SPTAN1: variants seen among roughly 807,000 people sequenced by gnomAD.
SPTAN1 encodes the protein spectrin alpha chain, non-erythrocytic 1.
A neutral mutation model predicts 331.3 loss-of-function variants in SPTAN1; 61 were observed. That is an observed-to-expected ratio of 0.18 (90% CI 0.15 to 0.23). SPTAN1 has a LOEUF of 0.23. Ranked by LOEUF, SPTAN1 falls within the 10% of genes least tolerant of loss-of-function variation. The pLI, the probability that SPTAN1 is intolerant of heterozygous loss-of-function variation, is 1.00. For synonymous variants in SPTAN1, 1,153 were observed against 1,173.9 expected (o/e 0.98, Z 0.36); for missense variants, 2,043 against 3,147.9 (o/e 0.65, Z 8.40).
At chr9:128,583,690 A>T in intron 15 of SPTAN1, 98 bp from the exon 16 acceptor site, 1 of 1,285,614 alleles carries the variant, frequency 7.8e-7, no homozygotes, top group Non-Finnish European at 1.1e-6. Context: ...TAAAATTCTG[A>T]CCTGTATAGT....
rs754860866 is a variant in SPTAN1 at position 128,632,476 on chromosome 9, G to C, written c.7005G>C (p.Met2335Ile). Residue 2335 changes from methionine (M) to isoleucine (I), a missense_variant, in exon 54 of 57, where the codon ATG becomes ATC. Coordinates refer to ENST00000372739, the MANE Select transcript of SPTAN1 (RefSeq NM_001130438.3). ...VTEEALKEFS[M>I]MFKHFDKDKS... ...AGGAGGCCCTCAAAGAATTCAGCAT[G>C]ATGTTTAAGTGAGTTCAGCCTTACT... 1.5e-5 allele frequency: 25 copies of C among 1,614,078 alleles called. No individual in the cohort carries two copies. The highest frequency in any genetic ancestry group is 2.1e-5 in the Non-Finnish European group (25 of 1,180,042).
At chr9:128,564,580 CAAAT>C (rs10669172) in intron 1 of SPTAN1, among the ~76,000 whole-genome samples, 1 of 150,914 alleles carries the variant, frequency 6.6e-6, no homozygotes, top group African/African-American at 2.4e-5. Context: ...GTCTCAAAAA[CAAAT>C]AAATAAATAA....
intron 11 of SPTAN1, 141 bp from the exon 12 acceptor site, chr9:128,581,641 C>T: frequency 1.3e-6 from 1 of 751,880 alleles, no homozygotes; most frequent in Admixed American, 1.9e-5. Context: ...TTTAGACTTC[C>T]TAGAAGAGAT....
At chr9:128,565,830 G>C (rs1048711424) in intron 1 of SPTAN1, among the ~76,000 whole-genome samples, 9 of 152,166 alleles carry the variant, frequency 5.9e-5, no homozygotes, top group African/African-American at 2.2e-4. Flanking sequence ...TATCTGTTCT[G>C]CTTCCTTAGT....
rs1858874821 is a variant in SPTAN1 at position 128,627,106 on chromosome 9, C to T, written c.6577-280C>T. ...GGGATTACAGGTGTGAGCCACTGTA[C>T]CCAGCCAGAAGTTTCCATTTCTGAC... is the stretch of plus-strand genomic sequence containing the variant. On this transcript the variant is annotated intron_variant, in intron 49 of 56. Coordinates refer to ENST00000372739, the MANE Select transcript of SPTAN1 (RefSeq NM_001130438.3). The surrounding 1 kb of genome is among the most constrained non-coding windows in gnomAD (Gnocchi z 4.9). The T allele has an allele frequency of 1.7e-6, 1 of 582,592 alleles. No homozygotes were observed. Among genetic ancestry groups the T allele is most frequent in the Non-Finnish European group, 3.2e-6 (1 of 310,250 alleles). 36.1% of individuals were successfully genotyped at this position (582,592 alleles called of 1,614,324 possible).
At chr9:128,581,474 C>CAAAA (rs11429372) in intron 11 of SPTAN1, among the ~76,000 whole-genome samples, 1 of 133,572 alleles carries the variant, frequency 7.5e-6, no homozygotes, top group African/African-American at 2.8e-5. Flanking sequence ...TCCTGTCTCA[C>CAAAA]AAAAAAAAAA....
In SPTAN1 at chr9:128,632,789, T is replaced by C. The variant is rs750428546; in HGVS notation, c.7161-19T>C. On this transcript the variant is annotated intron_variant, in intron 55 of 56. Transcript: ENST00000372739. ...CCACCTGCCCTCCCTGCTCAGGCTCTTGCTTCCCCCGCTCCTAGAGATGGC... is the reference window on the plus strand; with the variant it reads ...CCACCTGCCCTCCCTGCTCAGGCTCCTGCTTCCCCCGCTCCTAGAGATGGC... The C allele has an allele frequency of 1.2e-6, 2 of 1,614,050 alleles. No individual in the cohort carries two copies. The highest frequency in any genetic ancestry group is 2.2e-5 in the East Asian group (1 of 44,884).
At chr9:128,597,884 C>T (rs965819040) in intron 24 of SPTAN1, among the ~76,000 whole-genome samples, 4 of 151,974 alleles carry the variant, frequency 2.6e-5, no homozygotes, top group Non-Finnish European at 4.4e-5. Context: ...CTCCTGACCT[C>T]GTGATCCACC....
intron 15 of SPTAN1, among the ~76,000 whole-genome samples, 184 bp downstream of exon 15, chr9:128,583,465 C>T (rs372752614): frequency 3.3e-5 from 5 of 152,002 alleles, no homozygotes; most frequent in South Asian, 4.2e-4. Flanking sequence ...TAAATGTGGT[C>T]GAGCATACTG....
intron 18 of SPTAN1, 53 bp from the exon 19 acceptor site, chr9:128,585,695 C>G (rs1852515024): frequency 6.9e-7 from 1 of 1,452,652 alleles, no homozygotes; most frequent in Non-Finnish European, 9.6e-7. Context: ...TTTTGTCCTT[C>G]TGTGATGTGT....
intron 27 of SPTAN1, among the ~76,000 whole-genome samples, chr9:128,601,886 G>T (rs1333329226): frequency 6.6e-6 from 1 of 152,094 alleles, no homozygotes; most frequent in African/African-American, 2.4e-5. Flanking sequence ...ACTGGGCCAG[G>T]CATGGGTATA....
intron 26 of SPTAN1, chr9:128,599,404 G>A: frequency 4.6e-6 from 1 of 218,008 alleles, no homozygotes; most frequent in Non-Finnish European, 9.3e-6. Context: ...CAGAGTGCTG[G>A]GATTACAGAC....
intron 3 of SPTAN1, among the ~76,000 whole-genome samples, chr9:128,571,853 A>G (rs2130915689): frequency 6.6e-6 from 1 of 152,066 alleles, no homozygotes; most frequent in East Asian, 1.9e-4. Flanking sequence ...TATTTGTTTT[A>G]TTTTAATTTA....
intron 40 of SPTAN1, 31 bp downstream of exon 40, chr9:128,613,516 T>C (rs746241694): frequency 3.7e-5 from 58 of 1,557,420 alleles, no homozygotes; most frequent in Non-Finnish European, 4.8e-5. Flanking sequence ...CAGGCCCGAG[T>C]GCCTGGGACA....
chr9:128,554,378 G>T (rs1848429159), intron 1 of SPTAN1, among the ~76,000 whole-genome samples: 1 of 152,238 alleles, frequency 6.6e-6, no homozygotes, highest in Non-Finnish European at 1.5e-5. Context: ...GTCACAGGCT[G>T]CAGTGTAAGC....
intron 24 of SPTAN1, among the ~76,000 whole-genome samples, chr9:128,597,366 A>G (rs572471199): frequency 3.3e-5 from 5 of 152,228 alleles, no homozygotes; most frequent in African/African-American, 1.2e-4. Flanking sequence ...TCTCTATTTG[A>G]TAAAATTATT....
chr9:128,585,959 T>A lies in SPTAN1; in HGVS notation c.2772T>A (p.Ser924=), dbSNP rs143939145. ...CTGACTATGGCAAGGACGAAGACTC[T>A]GCTGAGGTAACCAGGCGTGGGAAGC... ...GSTDYGKDED[S]AEALLKKHEA... The change falls in exon 19 of 57, where the codon TCT becomes TCA. Residue 924 remains serine (S), a synonymous_variant. Transcript: ENST00000372739. The A allele has an allele frequency of 1.2e-6, 2 of 1,612,348 alleles. No individual in the cohort carries two copies.
chr9:128,577,114 G>C lies in SPTAN1; in HGVS notation c.786-15G>C. The C allele has an allele frequency of 6.2e-7, 1 of 1,614,154 alleles. No homozygotes were observed. Among genetic ancestry groups the C allele is most frequent in the South Asian group, 1.1e-5 (1 of 91,090 alleles). ...TCATCATTGCTGTGGATTAACTGGT[G>C]CCTTTGTTCTGTAGGGATGTGGATG... is the stretch of plus-strand genomic sequence containing the variant. On this transcript the variant is annotated splice_polypyrimidine_tract_variant and intron_variant, in intron 6 of 56. Transcript: ENST00000372739. The surrounding 1 kb of genome is among the most constrained non-coding windows in gnomAD (Gnocchi z 4.2).
chr9:128,564,324 CA>C (rs1166612800), intron 1 of SPTAN1, among the ~76,000 whole-genome samples: 41 of 151,932 alleles, frequency 2.7e-4, no homozygotes, highest in African/African-American at 9.4e-4. Context: ...GAGGCTGAGG[CA>C]GGAGAATTGC....
Sources: gnomAD v4.1 joint callset for allele counts (sites outside exome capture counted in the v4.1 genomes callset) on GRCh38, gnomAD v4.1.1 for gene constraint, Gnocchi (gnomAD v3.1) non-coding constraint, MANE v1.5 for transcripts, NCBI Gene and HGNC (gene_info 2026-07-23, HGNC 2026-07-21) for gene names.